PEAK1: variants seen among roughly 807,000 people sequenced by gnomAD.
PEAK1 encodes inactive tyrosine-protein kinase PEAK1.
Under a neutral mutation model 124.7 loss-of-function variants are expected in PEAK1, and 54 were observed. The observed-to-expected ratio is 0.43, with a 90% confidence interval of 0.35 to 0.54. The LOEUF is 0.54. PEAK1 is among the 20% of genes least tolerant of loss of function. The pLI, the probability that PEAK1 is intolerant of heterozygous loss-of-function variation, is 0.01. For missense variants in PEAK1, 2,046 were observed against 2,134.5 expected, an observed-to-expected ratio of 0.96 and a Z score of 0.82; for synonymous variants, 719 against 760.0, an observed-to-expected ratio of 0.95 and a Z score of 0.89.
intron 5 of PEAK1, among the ~76,000 whole-genome samples, chr15:77,264,551 C>G (rs558177542): frequency 6.6e-6 from 1 of 152,064 alleles, no homozygotes; most frequent in Non-Finnish European, 1.5e-5. Flanking sequence ...TTACAAGGGA[C>G]GTGAAGGACC....
intron 6 of PEAK1, among the ~76,000 whole-genome samples, chr15:77,239,462 CT>C (rs903598566): frequency 6.6e-6 from 1 of 152,092 alleles, no homozygotes; most frequent in African/African-American, 2.4e-5. Flanking sequence ...CATTTTGAGC[CT>C]TAGTTTCTTC....
At chr15:77,331,065 CCATTATAGA>C in intron 2 of PEAK1, 2 of 803,164 alleles carry the variant, frequency 2.5e-6, no homozygotes, top group Non-Finnish European at 1.5e-6. Flanking sequence ...GCATAGCATT[CCATTATAGA>C]CATATACTAT....
chr15:77,213,672 G>C (rs1033268425), intron 6 of PEAK1, among the ~76,000 whole-genome samples: 1 of 152,114 alleles, frequency 6.6e-6, no homozygotes, highest in Admixed American at 6.6e-5. Flanking sequence ...CTGGGTGACA[G>C]AGTGAGACTC....
At chr15:77,258,336 A>G (rs180894188) in intron 5 of PEAK1, among the ~76,000 whole-genome samples, 6 of 152,156 alleles carry the variant, frequency 3.9e-5, no homozygotes, top group Admixed American at 3.9e-4. Context: ...CTTTTTCATG[A>G]TATTGATTCT....
intron 6 of PEAK1, among the ~76,000 whole-genome samples, chr15:77,207,791 C>A (rs1358607088): frequency 5.9e-5 from 9 of 152,126 alleles, no homozygotes; most frequent in Non-Finnish European, 1.2e-4. Flanking sequence ...TGTCAAACCT[C>A]ATAGAATGTA....
rs925504983 is a variant in PEAK1, at chr15:77,284,009, T to C, written c.-401A>G. 9.7e-5 allele frequency: 96 copies of C among 985,148 alleles called. No homozygotes were observed. In the Middle Eastern group the frequency reaches 1.5e-3, roughly 16 times the overall value. The allele number at this position is 985,148 out of a possible 1,614,324, so 61.0% of individuals were successfully genotyped here. On this transcript the variant is annotated 5_prime_UTR_variant, in exon 5 of 10. The change abolishes an upstream ATG in the 5' untranslated region. Transcript: ENST00000682557. ...CACTTTCTCACAAAATGGTACTTCA[T>C]TGAAGGATGTAATTAGTCTCACTAA...
intron 6 of PEAK1, among the ~76,000 whole-genome samples, chr15:77,207,292 A>G (rs1468578334): frequency 6.6e-6 from 1 of 152,252 alleles, no homozygotes; most frequent in Non-Finnish European, 1.5e-5. Flanking sequence ...TAAGCTTTTT[A>G]GATTCTTGGT....
intron 5 of PEAK1, among the ~76,000 whole-genome samples, chr15:77,254,769 A>G (rs1009841240): frequency 2.6e-5 from 4 of 152,166 alleles, no homozygotes; most frequent in Non-Finnish European, 1.5e-5. Context: ...AGTCAACCAC[A>G]TATGAATTAT....
intron 2 of PEAK1, chr15:77,333,601 T>C (rs1260248001): frequency 1.1e-6 from 1 of 952,046 alleles, no homozygotes; most frequent in Non-Finnish European, 1.3e-6. Context: ...TTTAACCATC[T>C]GAAATCTTAG....
chr15:77,409,455 G>A (rs899998632), intron 1 of PEAK1, among the ~76,000 whole-genome samples: 2 of 152,150 alleles, frequency 1.3e-5, no homozygotes, highest in African/African-American at 4.8e-5. Context: ...TCAGCTCCAG[G>A]CAGTCTGGGT....
rs557706540 is a variant in PEAK1, at chr15:77,170,051, G to A, written c.3137+8739C>T. 1.9e-4 allele frequency among the ~76,000 whole-genome samples: 29 copies of A among 152,250 alleles called. No individual in the cohort carries two copies. In the South Asian group the frequency reaches 3.1e-3, roughly 16 times the overall value. On this transcript the variant is annotated intron_variant, in intron 7 of 9. Transcript: ENST00000682557. The stretch of plus-strand genomic sequence containing the variant: ...TATAGTTTTAAAATTTTTGATACCC[G>A]ATGATGTTTAGCCAGGGGTTAGCTA...
In PEAK1 at chr15:77,216,296, G is replaced by C. The variant is rs560377051; in HGVS notation, c.-114-34256C>G. ...AAAGTTCATGGAAAATGTGTATTATGGAAAAACTGCATGGATTTTCAAATT... is the reference window on the plus strand; with the variant it reads ...AAAGTTCATGGAAAATGTGTATTATCGAAAAACTGCATGGATTTTCAAATT... On this transcript the variant is annotated intron_variant, in intron 6 of 9. Coordinates refer to ENST00000682557, the MANE Select transcript of PEAK1 (RefSeq NM_001385026.1). Among the ~76,000 whole-genome samples the C allele has an allele frequency of 9.9e-5, 15 of 152,230 alleles. No homozygotes were observed. The South Asian group carries it at 2.5e-3, about 25-fold the overall frequency.
chr15:77,224,647 T>A (rs745582357), intron 6 of PEAK1, among the ~76,000 whole-genome samples: 24 of 152,178 alleles, frequency 1.6e-4, no homozygotes, highest in Non-Finnish European at 2.6e-4. Flanking sequence ...TGCTCTAGTG[T>A]ACAAAGGGGC....
At chr15:77,123,032 T>C (rs2052054998) in intron 9 of PEAK1, among the ~76,000 whole-genome samples, 1 of 152,172 alleles carries the variant, frequency 6.6e-6, no homozygotes, top group Non-Finnish European at 1.5e-5. Context: ...TCTACATTAT[T>C]ACAAGCTTTT....
intron 1 of PEAK1, among the ~76,000 whole-genome samples, chr15:77,380,805 T>C (rs2069414428): frequency 1.3e-5 from 2 of 152,102 alleles, no homozygotes; most frequent in Non-Finnish European, 2.9e-5. Flanking sequence ...GCAACAACTA[T>C]TTGCTTGACA....
chr15:77,149,027 G>A (rs2054378239), intron 8 of PEAK1, among the ~76,000 whole-genome samples: 1 of 152,180 alleles, frequency 6.6e-6, no homozygotes, highest in Non-Finnish European at 1.5e-5. Context: ...TATGTACCAA[G>A]TACTTCTCTG....
At chr15:77,269,736 G>A (rs1265279393) in intron 5 of PEAK1, among the ~76,000 whole-genome samples, 1 of 152,062 alleles carries the variant, frequency 6.6e-6, no homozygotes, top group Non-Finnish European at 1.5e-5. Context: ...CATATGACAG[G>A]CCACAAACTC....
At chr15:77,328,631 T>G (rs2065718040) in intron 2 of PEAK1, among the ~76,000 whole-genome samples, 1 of 152,186 alleles carries the variant, frequency 6.6e-6, no homozygotes, top group Admixed American at 6.5e-5. Flanking sequence ...ACTGAGGCTC[T>G]CACAGCTATT....
At chr15:77,309,508 G>A (rs1193480499) in intron 2 of PEAK1, among the ~76,000 whole-genome samples, 1 of 152,010 alleles carries the variant, frequency 6.6e-6, no homozygotes, top group African/African-American at 2.4e-5. Flanking sequence ...TGAATACATT[G>A]CATTTCTAAA....
Sources: gnomAD v4.1 joint callset for allele counts (sites outside exome capture counted in the v4.1 genomes callset) on GRCh38, gnomAD v4.1.1 for gene constraint, MANE v1.5 for transcripts, NCBI Gene and HGNC (gene_info 2026-07-23, HGNC 2026-07-21) for gene names.